TTC39A: variants seen among roughly 807,000 people sequenced by gnomAD.
The protein encoded by TTC39A is tetratricopeptide repeat domain 39A, also known as tetratricopeptide repeat protein 39A.
In TTC39A, 46 loss-of-function variants were observed where a neutral mutation model predicts 82.3. The ratio of observed to expected loss-of-function variants is 0.56; its 90% confidence interval spans 0.44 to 0.71. The LOEUF is 0.71. Ranked by LOEUF, TTC39A falls within the 30% of genes least tolerant of loss-of-function variation. TTC39A has a pLI of 0.00. For missense variants in TTC39A, 543 were observed against 712.9 expected (o/e 0.76, Z 2.71); for synonymous variants, 254 against 275.2 (o/e 0.92, Z 0.76).
At chr1:51,318,068 T>G (rs1645359915) in intron 2 of TTC39A, among the ~76,000 whole-genome samples, 1 of 152,194 alleles carries the variant, frequency 6.6e-6, no homozygotes, top group African/African-American at 2.4e-5. Flanking sequence ...TCTCCTGTGT[T>G]TCGACTCCCT....
intron 1 of TTC39A, among the ~76,000 whole-genome samples, chr1:51,337,096 A>G (rs1436096016): frequency 6.6e-6 from 1 of 152,190 alleles, no homozygotes; most frequent in Non-Finnish European, 1.5e-5. Context: ...AGGCCAGATC[A>G]CATCACAACT....
chr1:51,318,017 C>T (rs954804870), intron 2 of TTC39A, among the ~76,000 whole-genome samples: 5 of 152,128 alleles, frequency 3.3e-5, no homozygotes, highest in Non-Finnish European at 7.3e-5. Context: ...AGGGACAGCT[C>T]GAGGACCCAG....
chr1:51,290,145 A>C (rs750600095), intron 15 of TTC39A, 26 bp from the exon 16 acceptor site: 3 of 1,603,120 alleles, frequency 1.9e-6, no homozygotes, highest in Non-Finnish European at 2.6e-6. Flanking sequence ...TGAGGGAAAA[A>C]GACAGACTTG....
At chr1:51,326,458 G>A (rs763468969) in intron 1 of TTC39A, among the ~76,000 whole-genome samples, 7 of 152,110 alleles carry the variant, frequency 4.6e-5, no homozygotes, top group Non-Finnish European at 7.4e-5. Flanking sequence ...GTGAGGCTGC[G>A]GTGGCTAGAG....
At chr1:51,341,985 G>A (rs943462394) in intron 1 of TTC39A, among the ~76,000 whole-genome samples, 3 of 152,198 alleles carry the variant, frequency 2.0e-5, no homozygotes, top group Non-Finnish European at 4.4e-5. Flanking sequence ...CAGCCTCCTT[G>A]GCTGGGCCTC....
At chr1:51,328,481 C>T (rs1645795080) in intron 1 of TTC39A, among the ~76,000 whole-genome samples, 1 of 152,218 alleles carries the variant, frequency 6.6e-6, no homozygotes, top group Non-Finnish European at 1.5e-5. Context: ...CAGCATGACA[C>T]ATGCTATAGG....
intron 13 of TTC39A, 143 bp downstream of exon 13, chr1:51,295,936 G>T: frequency 2.5e-6 from 2 of 803,268 alleles, no homozygotes; most frequent in Non-Finnish European, 4.1e-6. Context: ...ACACGCAGGG[G>T]GGGCAGTCCG....
intron 2 of TTC39A, among the ~76,000 whole-genome samples, chr1:51,319,159 C>A (rs963658647): frequency 1.3e-5 from 2 of 151,836 alleles, no homozygotes; most frequent in African/African-American, 4.8e-5. Flanking sequence ...AGTTGGTGCA[C>A]CATAAACCAA....
intron 2 of TTC39A, among the ~76,000 whole-genome samples, chr1:51,313,602 C>G (rs1330697048): frequency 2.0e-5 from 3 of 152,158 alleles, no homozygotes; most frequent in African/African-American, 7.2e-5. Flanking sequence ...TGGTCACATT[C>G]AAGATTGCAC....
At chr1:51,292,773 C>T (rs1032845173) in intron 14 of TTC39A, among the ~76,000 whole-genome samples, 18 of 151,904 alleles carry the variant, frequency 1.2e-4, no homozygotes, top group African/African-American at 3.4e-4. Context: ...CCCCTTCCCC[C>T]GAAATAAATA....
chr1:51,305,691 C>A, intron 7 of TTC39A: 2 of 477,990 alleles, frequency 4.2e-6, no homozygotes, highest in Non-Finnish European at 7.6e-6. Context: ...ATTGTGTGTG[C>A]CAAGGTCGGG....
chr1:51,290,790 G>T (rs1239285792), intron 14 of TTC39A, among the ~76,000 whole-genome samples, 165 bp from the exon 15 acceptor site: 2 of 152,154 alleles, frequency 1.3e-5, no homozygotes, highest in Non-Finnish European at 2.9e-5. Context: ...GGTCTGAGGG[G>T]GTTATGGGAG....
chr1:51,330,992 C>A (rs1417289835), upstream of TTC39A: 83 of 675,636 alleles, frequency 1.2e-4, 1 homozygote, highest in South Asian at 1.4e-3. This position sits in a 1 kb window ranked among gnomAD's most constrained non-coding sequence, Gnocchi z 4.5. Context: ...CCATCTCGCC[C>A]ACTGAGTGAC....
intron 2 of TTC39A, among the ~76,000 whole-genome samples, chr1:51,317,536 G>A (rs1386168058): frequency 1.3e-5 from 2 of 152,238 alleles, no homozygotes; most frequent in African/African-American, 4.8e-5. Flanking sequence ...ATCGCCTGAG[G>A]TCAGGAGTTG....
At chr1:51,311,144 G>T (rs993881500) in intron 5 of TTC39A, 110 bp downstream of exon 5, 3 of 1,040,098 alleles carry the variant, frequency 2.9e-6, no homozygotes, top group South Asian at 1.6e-5. Flanking sequence ...GGGATGAGTC[G>T]TGGTTGCTAT....
chr1:51,318,885 G>A (rs1010863622), intron 2 of TTC39A, among the ~76,000 whole-genome samples: 2 of 152,250 alleles, frequency 1.3e-5, no homozygotes, highest in African/African-American at 2.4e-5. Flanking sequence ...CTCCCAGCTG[G>A]CCTTCGCATG....
At chr1:51,322,510 AC>A (rs2148283719) in intron 1 of TTC39A, among the ~76,000 whole-genome samples, 1 of 152,266 alleles carries the variant, frequency 6.6e-6, no homozygotes, top group South Asian at 2.1e-4. Context: ...AGAATCTTTA[AC>A]TGCTGTATCC....
intron 1 of TTC39A, among the ~76,000 whole-genome samples, chr1:51,326,873 T>C (rs575062910): frequency 7.9e-5 from 12 of 152,312 alleles, no homozygotes; most frequent in African/African-American, 2.9e-4. Context: ...CTCCACTGTG[T>C]GTTGGGGAAC....
At chr1:51,328,806 G>A (rs777562117) in intron 1 of TTC39A, among the ~76,000 whole-genome samples, 9 of 152,266 alleles carry the variant, frequency 5.9e-5, no homozygotes, top group South Asian at 2.1e-4. Flanking sequence ...TTTTAAAAAG[G>A]TAGAGATTTA....
Sources: gnomAD v4.1 joint callset for allele counts (sites outside exome capture counted in the v4.1 genomes callset) on GRCh38, gnomAD v4.1.1 for gene constraint, Gnocchi (gnomAD v3.1) non-coding constraint, MANE v1.5 for transcripts, NCBI Gene and HGNC (gene_info 2026-07-23, HGNC 2026-07-21) for gene names.